UBIAD1: variants seen among roughly 807,000 people sequenced by gnomAD.
UBIAD1 encodes ubiA prenyltransferase domain-containing protein 1.
A neutral mutation model predicts 20.1 loss-of-function variants in UBIAD1; 12 were observed. That is an observed-to-expected ratio of 0.60 (90% CI 0.38 to 0.97). The LOEUF is 0.97. Among genes scored for constraint, UBIAD1 ranks in the 50% least tolerant of loss-of-function variants. The probability of loss-of-function intolerance (pLI) is 0.00; values close to 1 mark genes in which losing one functional copy is unlikely to be tolerated. For missense variants in UBIAD1, 333 were observed against 419.5 expected (o/e 0.79, Z 1.80); for synonymous variants, 207 against 189.2 (o/e 1.09, Z -0.77).
Position 11,273,561 on chromosome 1 carries a change from G to T in UBIAD1, c.30G>T (p.Lys10Asn), listed in dbSNP as rs1490851097. The T allele has an allele frequency of 6.2e-7, 1 of 1,613,174 alleles. No homozygotes were observed. The highest frequency in any genetic ancestry group is 8.5e-7 in the Non-Finnish European group (1 of 1,180,018). MAASQVLGE[K>N]INILSGETVK... ...CGGCCTCTCAGGTCCTGGGGGAGAA[G>T]ATTAACATCCTGTCGGGAGAGACTG... The change falls in exon 1 of 2, where the codon AAG becomes AAT. Residue 10 changes from lysine (K) to asparagine (N), a missense_variant. By Grantham distance (94) the Lys-to-Asn change is moderately conservative (BLOSUM62 0). Coordinates refer to ENST00000376810, the MANE Select transcript of UBIAD1 (RefSeq NM_013319.3). The surrounding 1 kb of genome is among the most constrained non-coding windows in gnomAD (Gnocchi z 4.9).
intron 1 of UBIAD1, among the ~76,000 whole-genome samples, chr1:11,281,067 C>G (rs1652226223): frequency 6.6e-6 from 1 of 151,946 alleles, no homozygotes; most frequent in Non-Finnish European, 1.5e-5. Flanking sequence ...CCTTTCTAGT[C>G]CAGGAGCATG....
intron 1 of UBIAD1, among the ~76,000 whole-genome samples, chr1:11,282,828 A>G (rs1328553903): frequency 1.3e-5 from 2 of 150,666 alleles, no homozygotes; most frequent in East Asian, 3.9e-4. Context: ...TGGCCTCCCA[A>G]AGTGCTGGAA....
intron 1 of UBIAD1, among the ~76,000 whole-genome samples, chr1:11,284,608 G>A (rs1373118470): frequency 6.6e-6 from 1 of 152,140 alleles, no homozygotes; most frequent in Non-Finnish European, 1.5e-5. Flanking sequence ...GGGATTACAG[G>A]CGTGTGCCAC....
In UBIAD1 at chr1:11,285,717, C is replaced by T. The variant is rs760247964; in HGVS notation, c.603C>T (p.Phe201=). ...CTTTTGGCCCGCTGGCTGTGATGTT[C>T]GCCTACGCCATCCAGGTGGGGTCCC... The part of the protein sequence containing the change: ...LITFGPLAVM[F]AYAIQVGSLA... Residue 201 remains phenylalanine (F), a synonymous_variant, in exon 2 of 2, where the codon TTC becomes TTT. Coordinates refer to ENST00000376810, the MANE Select transcript of UBIAD1 (RefSeq NM_013319.3). The surrounding 1 kb of genome is among the most constrained non-coding windows in gnomAD (Gnocchi z 4.4). 15 of 1,614,170 alleles carry T rather than the reference C, an allele frequency of 9.3e-6. No individual in the cohort carries two copies. The East Asian group carries it at 1.3e-4, about 14-fold the overall frequency.
At position 11,285,915 on chromosome 1, in the gene UBIAD1, G is replaced by T; in HGVS notation, c.801G>T (p.Leu267=). ...SYILYNTLLF[L]PYLVFSILAT... is the part of the protein sequence containing the mutation. ...TTCTCTACAACACACTGCTCTTCCT[G>T]CCCTACCTGGTCTTCAGCATCCTGG... The change falls in exon 2 of 2, where the codon CTG becomes CTT. Residue 267 remains leucine (L), a synonymous_variant. Coordinates refer to ENST00000376810, the MANE Select transcript of UBIAD1 (RefSeq NM_013319.3). This position sits in a 1 kb window ranked among gnomAD's most constrained non-coding sequence, Gnocchi z 4.4. The T allele has an allele frequency of 6.2e-7, 1 of 1,614,144 alleles. No homozygotes were observed. Among genetic ancestry groups the T allele is most frequent in the Middle Eastern group, 1.6e-4 (1 of 6,062 alleles).
chr1:11,290,510 C>T (rs1264492641), downstream of UBIAD1, among the ~76,000 whole-genome samples: 4 of 152,234 alleles, frequency 2.6e-5, no homozygotes, highest in Non-Finnish European at 4.4e-5. Flanking sequence ...TATGATAATG[C>T]TCCATCCACC....
exon 2 of UBIAD1, chr1:11,295,003 G>A (rs1436276834): frequency 5.6e-6 from 4 of 713,776 alleles, no homozygotes; most frequent in Non-Finnish European, 1.0e-5. Context: ...CGAGGAGAGG[G>A]AAGTGAGCCC....
chr1:11,277,607 A>T (rs1194621342), intron 1 of UBIAD1, among the ~76,000 whole-genome samples: 1 of 151,968 alleles, frequency 6.6e-6, no homozygotes, highest in African/African-American at 2.4e-5. Flanking sequence ...TTTCAACTGC[A>T]GCTCTCTTTC....
downstream of UBIAD1, among the ~76,000 whole-genome samples, chr1:11,290,673 G>A (rs114177978): frequency 4.2e-3 from 638 of 152,206 alleles, no homozygotes; most frequent in Non-Finnish European, 6.5e-3. Flanking sequence ...TAACGCTTCC[G>A]TTACTCCTGT....
At chr1:11,284,693 A>G (rs769489397) in intron 1 of UBIAD1, among the ~76,000 whole-genome samples, 3 of 152,088 alleles carry the variant, frequency 2.0e-5, no homozygotes, top group Non-Finnish European at 2.9e-5. Flanking sequence ...GGAAGTCCTG[A>G]CCTCAGGTAA....
chr1:11,276,776 CTG>C (rs949578834), intron 1 of UBIAD1, among the ~76,000 whole-genome samples: 116 of 148,650 alleles, frequency 7.8e-4, no homozygotes, highest in African/African-American at 2.9e-3. Context: ...AAAAAAAAAA[CTG>C]TAAGCAAATA....
downstream of UBIAD1, among the ~76,000 whole-genome samples, chr1:11,288,593 C>T (rs556970465): frequency 4.6e-5 from 7 of 152,174 alleles, no homozygotes; most frequent in South Asian, 1.5e-3. Flanking sequence ...AGGGTTTGAC[C>T]AGATTCGACA....
At position 11,273,526 on chromosome 1, in the gene UBIAD1, G is replaced by A; in HGVS notation, c.-6G>A. 2.5e-6 allele frequency: 4 copies of A among 1,611,650 alleles called. No individual in the cohort carries two copies. Among genetic ancestry groups the A allele is most frequent in the Non-Finnish European group, 3.4e-6 (4 of 1,180,030 alleles). On this transcript the variant is annotated 5_prime_UTR_variant, in exon 1 of 2. Coordinates refer to ENST00000376810, the MANE Select transcript of UBIAD1 (RefSeq NM_013319.3). The surrounding 1 kb of genome is among the most constrained non-coding windows in gnomAD (Gnocchi z 4.9). ...TTAGAGTTTACTTCAACCACGTGGA[G>A]CTTCCATGGCGGCCTCTCAGGTCCT...
At position 11,273,357 on chromosome 1, in the gene UBIAD1, T is replaced by G; in HGVS notation, c.-175T>G. On this transcript the variant is annotated 5_prime_UTR_variant, in exon 1 of 2. Transcript: ENST00000376810. This position sits in a 1 kb window ranked among gnomAD's most constrained non-coding sequence, Gnocchi z 4.9. ...GTAGGGGCGGCGCCGCTTGGCCTCG[T>G]GGGGTGTAAGACCCACTTGCTGTTG... is the stretch of plus-strand genomic sequence containing the variant. 2.8e-6 allele frequency: 2 copies of G among 707,634 alleles called. No individual in the cohort carries two copies. The highest frequency in any genetic ancestry group is 4.7e-6 in the Non-Finnish European group (2 of 425,900). The allele number at this position is 707,634 out of a possible 1,614,324, so 43.8% of individuals were successfully genotyped here.
chr1:11,275,085 G>C (rs1018473962), intron 1 of UBIAD1, among the ~76,000 whole-genome samples: 1 of 152,198 alleles, frequency 6.6e-6, no homozygotes. Context: ...GGGCAGGTGG[G>C]TAAGCCCTAT....
At chr1:11,292,668 TACACACACACACAC>T (rs71568319), downstream of UBIAD1, among the ~76,000 whole-genome samples, 871 of 140,734 alleles carry the variant, frequency 6.2e-3, 11 homozygotes, top group African/African-American at 0.02. Context: ...ATTTTATGTA[TACACACACACACAC>T]ACACACACAC....
At chr1:11,295,705 G>A (rs1638437113), downstream of UBIAD1, 1 of 152,286 alleles carries the variant, frequency 6.6e-6, no homozygotes, top group South Asian at 2.1e-4. Flanking sequence ...TTCAGGGGAA[G>A]TGCTGAGGGG....
intron 1 of UBIAD1, among the ~76,000 whole-genome samples, chr1:11,275,695 A>G (rs887334150): frequency 3.3e-5 from 5 of 152,148 alleles, no homozygotes; most frequent in African/African-American, 1.2e-4. Flanking sequence ...GTGAGTCCTG[A>G]TCACACCACT....
downstream of UBIAD1, among the ~76,000 whole-genome samples, chr1:11,292,933 C>T (rs887047318): frequency 1.3e-5 from 2 of 152,150 alleles, no homozygotes; most frequent in African/African-American, 4.8e-5. Context: ...ACTGGGACAG[C>T]CCTCCCACTG....
Sources: gnomAD v4.1 joint callset for allele counts (sites outside exome capture counted in the v4.1 genomes callset) on GRCh38, gnomAD v4.1.1 for gene constraint, Gnocchi (gnomAD v3.1) non-coding constraint, MANE v1.5 for transcripts, NCBI Gene and HGNC (gene_info 2026-07-23, HGNC 2026-07-21) for gene names.